COL21A1: variants seen among roughly 807,000 people sequenced by gnomAD.
The protein encoded by COL21A1 is collagen alpha-1(XXI) chain.
In COL21A1, 149 loss-of-function variants were observed where a neutral mutation model predicts 137.9. The observed-to-expected ratio is 1.08, with a 90% CI of 0.95 to 1.24. COL21A1 has a LOEUF of 1.24. Among genes scored for constraint, COL21A1 ranks in the 50% most tolerant of loss-of-function variants. The probability of loss-of-function intolerance (pLI) is 0.00; values close to 1 mark genes in which losing one functional copy is unlikely to be tolerated. For synonymous variants in COL21A1, 456 were observed against 391.5 expected (o/e 1.16, Z -1.95); for missense variants, 1,167 against 1,158.4 (o/e 1.01, Z -0.11).
intron 1 of COL21A1, among the ~76,000 whole-genome samples, chr6:56,257,485 T>C (rs972363939): frequency 2.0e-5 from 3 of 151,980 alleles, no homozygotes; most frequent in Non-Finnish European, 4.4e-5. Flanking sequence ...AACACATAAA[T>C]ATAATAGTAA....
At chr6:56,321,850 T>C (rs1764876203) in intron 1 of COL21A1, among the ~76,000 whole-genome samples, 3 of 152,116 alleles carry the variant, frequency 2.0e-5, no homozygotes, top group Admixed American at 2.0e-4. Flanking sequence ...TCTATGGTCG[T>C]TCAGCATTTG....
chr6:56,093,437 G>C (rs1456815922), intron 17 of COL21A1, among the ~76,000 whole-genome samples: 1 of 152,084 alleles, frequency 6.6e-6, no homozygotes, highest in Non-Finnish European at 1.5e-5. Context: ...TGAACCTATA[G>C]ACTACAGAGC....
intron 1 of COL21A1, among the ~76,000 whole-genome samples, chr6:56,356,954 C>T (rs973503595): frequency 1.3e-5 from 2 of 152,176 alleles, no homozygotes; most frequent in African/African-American, 4.8e-5. Context: ...AGTACTTTTA[C>T]ACATTCTTCA....
chr6:56,097,216 A>C (rs1431475906), intron 17 of COL21A1, among the ~76,000 whole-genome samples: 3 of 152,076 alleles, frequency 2.0e-5, no homozygotes, highest in Admixed American at 6.6e-5. Flanking sequence ...AAAAGAAGTA[A>C]AGGAACCTCT....
chr6:56,150,411 G>A (rs1775205506), intron 10 of COL21A1, among the ~76,000 whole-genome samples: 2 of 152,112 alleles, frequency 1.3e-5, no homozygotes, highest in Non-Finnish European at 2.9e-5. Flanking sequence ...CCAGCTACTG[G>A]AGAGGCTGAG....
At chr6:56,295,158 T>A (rs1395751732) in intron 1 of COL21A1, among the ~76,000 whole-genome samples, 1 of 152,024 alleles carries the variant, frequency 6.6e-6, no homozygotes, top group Non-Finnish European at 1.5e-5. Context: ...TTATTTTTTT[T>A]ACTCATGGGT....
intron 1 of COL21A1, among the ~76,000 whole-genome samples, chr6:56,298,643 AG>A (rs1402999000): frequency 6.6e-6 from 1 of 152,102 alleles, no homozygotes; most frequent in Non-Finnish European, 1.5e-5. Context: ...GGATAGAGCC[AG>A]TTCTAATTAA....
rs374487069 is a variant in COL21A1, at chr6:56,330,574, T to A, written c.-39+63397A>T. On this transcript the variant is annotated intron_variant, in intron 1 of 28. Coordinates refer to the COL21A1 transcript ENST00000370819. ...GTTACATGAACATATTGCACAGTCG[T>A]GAAGTCTGGGCTTTTAATGTACCCA... is the stretch of plus-strand genomic sequence containing the variant. Among the ~76,000 whole-genome samples the A allele has an allele frequency of 5.0e-4, 76 of 152,202 alleles. 1 individual carries two copies. In the South Asian group the frequency reaches 0.016, roughly 31 times the overall value.
At chr6:56,381,399 T>C (rs568249942) in intron 1 of COL21A1, among the ~76,000 whole-genome samples, 2 of 152,312 alleles carry the variant, frequency 1.3e-5, no homozygotes, top group African/African-American at 2.4e-5. Flanking sequence ...TATCTCTCCA[T>C]CCGCTCAAAT....
chr6:56,309,285 G>C (rs111398079), intron 1 of COL21A1, among the ~76,000 whole-genome samples: 1 of 151,982 alleles, frequency 6.6e-6, no homozygotes, highest in African/African-American at 2.4e-5. Context: ...TGATCTGCCC[G>C]CCTCGGCCTC....
At chr6:56,240,860 T>A (rs1782264830) in intron 1 of COL21A1, among the ~76,000 whole-genome samples, 1 of 152,194 alleles carries the variant, frequency 6.6e-6, no homozygotes, top group Non-Finnish European at 1.5e-5. Context: ...AATAGTAGTG[T>A]AGAAATGACA....
chr6:56,075,288 A>G (rs994816548), intron 19 of COL21A1, among the ~76,000 whole-genome samples, 191 bp downstream of exon 19: 50 of 151,438 alleles, frequency 3.3e-4, no homozygotes, highest in African/African-American at 1.2e-3. Context: ...GAGAAACTGA[A>G]GAAATCTTTA....
chr6:56,170,985 T>C lies in COL21A1; in HGVS notation c.784A>G (p.Lys262Glu), dbSNP rs751589344. ...CTTGTGAGTTCTGATAAATCAACTTTTGATGTTACTTCATATCCTTTTATC... is the reference window on the plus strand; with the variant it reads ...CTTGTGAGTTCTGATAAATCAACTTCTGATGTTACTTCATATCCTTTTATC... Reference protein sequence around the residue: ...KKIKGYEVTSKVDLSELTSNV... With the variant: ...KKIKGYEVTSEVDLSELTSNV... The change falls in exon 4 of 30, where the codon AAA (lysine) becomes GAA (glutamate). Residue 262 changes from lysine to glutamate, a missense_variant. Physicochemically the swap from Lys to Glu is moderately conservative, Grantham distance 56 (BLOSUM62 1). Coordinates refer to ENST00000244728, the MANE Select transcript of COL21A1 (RefSeq NM_030820.4). 1.2e-6 allele frequency: 2 copies of C among 1,603,000 alleles called. No homozygotes were observed. The highest frequency in any genetic ancestry group is 1.1e-5 in the South Asian group (1 of 88,656).
intron 12 of COL21A1, among the ~76,000 whole-genome samples, chr6:56,136,012 T>G (rs1402848317): frequency 6.6e-6 from 1 of 152,204 alleles, no homozygotes; most frequent in African/African-American, 2.4e-5. Context: ...TCCTCTCCAC[T>G]CTCTGGCATA....
intron 17 of COL21A1, among the ~76,000 whole-genome samples, chr6:56,078,521 CTT>C (rs1767441370): frequency 6.6e-6 from 1 of 151,666 alleles, no homozygotes; most frequent in Non-Finnish European, 1.5e-5. Context: ...AAGCAGTACT[CTT>C]CAGTAAATCA....
chr6:56,104,721 T>C (rs1475455073), intron 16 of COL21A1, among the ~76,000 whole-genome samples: 3 of 152,190 alleles, frequency 2.0e-5, no homozygotes, highest in African/African-American at 7.2e-5. Flanking sequence ...ATCTAATTTC[T>C]ACAGCTAACG....
At chr6:56,105,176 C>T (rs1280930187) in intron 16 of COL21A1, among the ~76,000 whole-genome samples, 1 of 152,170 alleles carries the variant, frequency 6.6e-6, no homozygotes, top group Non-Finnish European at 1.5e-5. Context: ...GGAACCCTCA[C>T]TCTGCCATGG....
At chr6:56,283,224 T>A (rs1344092552) in intron 1 of COL21A1, among the ~76,000 whole-genome samples, 1 of 145,140 alleles carries the variant, frequency 6.9e-6, no homozygotes, top group Non-Finnish European at 1.6e-5. Flanking sequence ...CAGTGTAGCA[T>A]TATTTGTAAA....
chr6:56,247,926 T>A (rs1782739289), upstream of COL21A1, among the ~76,000 whole-genome samples: 1 of 152,160 alleles, frequency 6.6e-6, no homozygotes, highest in African/African-American at 2.4e-5. Context: ...GAGGCCTGCC[T>A]CCCTTGCCCA....
Sources: gnomAD v4.1 joint callset for allele counts (sites outside exome capture counted in the v4.1 genomes callset) on GRCh38, gnomAD v4.1.1 for gene constraint, MANE v1.5 for transcripts, NCBI Gene and HGNC (gene_info 2026-07-23, HGNC 2026-07-21) for gene names.